LRP5: variants seen among roughly 807,000 people sequenced by gnomAD.
LRP5 encodes low-density lipoprotein receptor-related protein 5.
Under a neutral mutation model 154.1 loss-of-function variants are expected in LRP5, and 62 were observed. That is an observed-to-expected ratio of 0.40 (90% CI 0.33 to 0.50). The LOEUF is 0.50. LRP5 is among the 20% of genes least tolerant of loss of function. The pLI, the probability that LRP5 is intolerant of heterozygous loss-of-function variation, is 0.55. For missense variants in LRP5, 1,915 were observed against 2,336.7 expected, an observed-to-expected ratio of 0.82 and a Z score of 3.72; for synonymous variants, 966 against 1,011.5, an observed-to-expected ratio of 0.96 and a Z score of 0.85.
intron 1 of LRP5, among the ~76,000 whole-genome samples, chr11:68,342,955 C>T (rs1043719629): frequency 2.0e-5 from 3 of 152,226 alleles, no homozygotes; most frequent in Non-Finnish European, 2.9e-5. Flanking sequence ...CCCGCTGGGA[C>T]CTCCAGCTGT....
chr11:68,362,805 G>C (rs966884347), intron 3 of LRP5, among the ~76,000 whole-genome samples: 15 of 152,178 alleles, frequency 9.9e-5, no homozygotes, highest in African/African-American at 3.4e-4. Flanking sequence ...AGAGCCCACA[G>C]CTCCCATCTT....
chr11:68,303,027 C>T, the LRP5 span, among the ~76,000 whole-genome samples: 1 of 152,196 alleles, frequency 6.6e-6, no homozygotes, highest in Admixed American at 6.5e-5. Context: ...GGAGCGGAGG[C>T]AGCTGAGGTG....
intron 5 of LRP5, among the ~76,000 whole-genome samples, chr11:68,368,124 A>G (rs1321612100): frequency 1.3e-5 from 2 of 151,998 alleles, no homozygotes; most frequent in African/African-American, 2.4e-5. Flanking sequence ...TGGAGCATAT[A>G]TGTTGCCCAA....
At chr11:68,414,322 G>C (rs947023073) in intron 12 of LRP5, among the ~76,000 whole-genome samples, 2 of 152,224 alleles carry the variant, frequency 1.3e-5, no homozygotes, top group African/African-American at 4.8e-5. Flanking sequence ...AGTGCTGAGT[G>C]CTTTCCATAG....
At chr11:68,314,885 C>A (rs1483680976) in intron 1 of LRP5, among the ~76,000 whole-genome samples, 3 of 152,236 alleles carry the variant, frequency 2.0e-5, no homozygotes, top group Non-Finnish European at 4.4e-5. Context: ...AAGAAATTCG[C>A]CGGTGAACCC....
At chr11:68,383,658 G>A (rs1313326579) in intron 5 of LRP5, among the ~76,000 whole-genome samples, 1 of 152,238 alleles carries the variant, frequency 6.6e-6, no homozygotes, top group African/African-American at 2.4e-5. Flanking sequence ...CTGTGGATGT[G>A]GTTCTGTGCT....
chr11:68,386,584 A>C lies in LRP5; in HGVS notation c.1284A>C (p.Arg428=), dbSNP rs760182519. The C allele has an allele frequency of 6.2e-7, 1 of 1,613,620 alleles. No homozygotes were observed. The highest frequency in any genetic ancestry group is 2.2e-5 in the East Asian group (1 of 44,832). The change falls in exon 6 of 23, where the codon CGA becomes CGC. Residue 428 remains arginine, a synonymous_variant. Transcript: ENST00000294304. The surrounding 1 kb of genome is among the most constrained non-coding windows in gnomAD (Gnocchi z 7.9). ...GCATCGCGGTCGACTGGGTGGCCCG[A>C]AACCTCTACTGGACCGACACGGGCA... ...PDGIAVDWVA[R]NLYWTDTGTD... is the part of the protein sequence containing the mutation.
chr11:68,352,211 C>T (rs1454273596), intron 2 of LRP5, among the ~76,000 whole-genome samples: 1 of 152,046 alleles, frequency 6.6e-6, no homozygotes, highest in Non-Finnish European at 1.5e-5. Flanking sequence ...TAAGGAGTGG[C>T]GAGATTTGGG....
At chr11:68,375,902 T>C (rs936027222) in intron 5 of LRP5, among the ~76,000 whole-genome samples, 10 of 152,198 alleles carry the variant, frequency 6.6e-5, no homozygotes, top group African/African-American at 2.2e-4. Flanking sequence ...GGACGGTGTC[T>C]GGGGAAGGAT....
intron 5 of LRP5, among the ~76,000 whole-genome samples, chr11:68,367,232 G>A (rs2098631605): frequency 6.6e-6 from 1 of 152,226 alleles, no homozygotes; most frequent in African/African-American, 2.4e-5. Context: ...AGCAGGTTAA[G>A]GGAGGATTAT....
At chr11:68,321,298 CAT>C (rs1272711683) in intron 1 of LRP5, among the ~76,000 whole-genome samples, 1 of 152,128 alleles carries the variant, frequency 6.6e-6, no homozygotes, top group Non-Finnish European at 1.5e-5. Context: ...AGCATCAGAA[CAT>C]ATTTTAAGAT....
chr11:68,370,607 G>A (rs1248405064), intron 5 of LRP5, among the ~76,000 whole-genome samples: 1 of 152,208 alleles, frequency 6.6e-6, no homozygotes, highest in Non-Finnish European at 1.5e-5. Flanking sequence ...CCGCAGGGCT[G>A]AGCACGCAGC....
intron 2 of LRP5, among the ~76,000 whole-genome samples, chr11:68,351,740 T>C (rs2098618762): frequency 2.0e-5 from 3 of 152,030 alleles, no homozygotes. Flanking sequence ...AGATGGTAAA[T>C]GAATAGTATT....
intron 7 of LRP5, among the ~76,000 whole-genome samples, chr11:68,395,562 C>G (rs759675618): frequency 6.6e-6 from 1 of 151,940 alleles, no homozygotes; most frequent in African/African-American, 2.4e-5. Context: ...TTCTCAGCGC[C>G]CTTTATATGC....
chr11:68,390,011 G>GGGAA lies in LRP5; in HGVS notation c.1545_1548dup (p.Leu517GlufsTer18). On this transcript the variant is annotated frameshift_variant, in exon 7 of 23. Coordinates refer to ENST00000294304, the MANE Select transcript of LRP5 (RefSeq NM_002335.4). LOFTEE classifies it high-confidence loss of function. ...CGGCCTGGCCCTGGACCTGCAGGAG[G>GGGAA]GGAAGCTCTACTGGGGAGACGCCAA... 1 of 1,614,230 alleles carries GGGAA rather than the reference G, an allele frequency of 6.2e-7. No homozygotes were observed. The highest frequency in any genetic ancestry group is 8.5e-7 in the Non-Finnish European group (1 of 1,180,040).
chr11:68,445,248 C>T (rs532848831), intron 21 of LRP5, among the ~76,000 whole-genome samples: 6 of 152,128 alleles, frequency 3.9e-5, no homozygotes, highest in South Asian at 2.1e-4. Flanking sequence ...TACAGGTGCC[C>T]GCCACCACAC....
intron 5 of LRP5, among the ~76,000 whole-genome samples, chr11:68,366,863 C>T (rs752505714): frequency 1.3e-5 from 2 of 152,186 alleles, no homozygotes; most frequent in South Asian, 4.1e-4. Context: ...CTCATTCATT[C>T]GTTCATCCAT....
intron 22 of LRP5, among the ~76,000 whole-genome samples, 169 bp from the exon 23 acceptor site, chr11:68,448,640 G>T (rs2098682724): frequency 6.6e-6 from 1 of 152,136 alleles, no homozygotes; most frequent in African/African-American, 2.4e-5. Context: ...GGCTCAGAGA[G>T]GGTAAGTGAT....
chr11:68,343,824 G>A (rs893712284), intron 1 of LRP5, among the ~76,000 whole-genome samples: 7 of 152,122 alleles, frequency 4.6e-5, no homozygotes, highest in Non-Finnish European at 1.0e-4. Context: ...AGACCCCCTC[G>A]CGGCTGCCAT....
Sources: allele counts gnomAD v4.1 joint callset (sites outside exome capture counted in the v4.1 genomes callset), GRCh38; gene constraint gnomAD v4.1.1; non-coding constraint Gnocchi (gnomAD v3.1); transcripts MANE v1.5; gene names NCBI Gene and HGNC (gene_info 2026-07-23, HGNC 2026-07-21).